Variants in ARHGAP32 observed in about 807,000 individuals in gnomAD.
The protein encoded by ARHGAP32 is Rho GTPase activating protein 32.
In ARHGAP32, 51 loss-of-function variants were observed where a neutral mutation model predicts 186.5. The observed-to-expected ratio is 0.27, with a 90% CI of 0.22 to 0.35. The LOEUF (loss-of-function observed/expected upper bound fraction) is 0.35. Ranked by LOEUF, ARHGAP32 falls within the 10% of genes least tolerant of loss-of-function variation. The pLI, the probability that ARHGAP32 is intolerant of heterozygous loss-of-function variation, is 1.00. For synonymous variants in ARHGAP32, 950 were observed against 964.3 expected (o/e 0.99, Z 0.27); for missense variants, 2,186 against 2,623.5 (o/e 0.83, Z 3.64).
chr11:129,149,387 C>T (rs1591651929), intron 2 of ARHGAP32, among the ~76,000 whole-genome samples: 1 of 152,208 alleles, frequency 6.6e-6, no homozygotes, highest in East Asian at 1.9e-4. Context: ...GTCTACCTCA[C>T]TCCCCTGCCA....
chr11:129,260,099 T>C (rs545295977), intron 1 of ARHGAP32, among the ~76,000 whole-genome samples: 1 of 152,298 alleles, frequency 6.6e-6, no homozygotes, highest in East Asian at 1.9e-4. Context: ...TGAAATGGGC[T>C]GCAACAACTC....
intron 10 of ARHGAP32, among the ~76,000 whole-genome samples, chr11:129,058,747 G>A (rs1240554250): frequency 6.6e-6 from 1 of 152,104 alleles, no homozygotes; most frequent in African/African-American, 2.4e-5. Context: ...TGGATTAAAA[G>A]AAAAAGTATA....
intron 1 of ARHGAP32, among the ~76,000 whole-genome samples, chr11:129,235,802 A>T (rs1485612469): frequency 6.6e-6 from 1 of 152,058 alleles, no homozygotes; most frequent in African/African-American, 2.4e-5. Flanking sequence ...ATAAGTGAGA[A>T]TATAGGCTAT....
chr11:129,144,881 G>A (rs1026762006), intron 2 of ARHGAP32, among the ~76,000 whole-genome samples: 2 of 152,070 alleles, frequency 1.3e-5, no homozygotes, highest in African/African-American at 4.8e-5. Flanking sequence ...AAAATTATTC[G>A]GAGGCGATAT....
At chr11:129,094,473 T>C (rs1277162880) in intron 5 of ARHGAP32, among the ~76,000 whole-genome samples, 3 of 152,170 alleles carry the variant, frequency 2.0e-5, no homozygotes, top group Non-Finnish European at 4.4e-5. Flanking sequence ...GCTAAGAGGT[T>C]TCATGTGAAA....
At chr11:129,118,053 TA>T (rs1942420692) in intron 5 of ARHGAP32, among the ~76,000 whole-genome samples, 1 of 152,008 alleles carries the variant, frequency 6.6e-6, no homozygotes, top group African/African-American at 2.4e-5. Flanking sequence ...TTCTCTAAAC[TA>T]AACATAAGAC....
intron 1 of ARHGAP32, among the ~76,000 whole-genome samples, chr11:129,168,558 T>A (rs1009404788): frequency 6.6e-6 from 1 of 152,092 alleles, no homozygotes; most frequent in Non-Finnish European, 1.5e-5. Context: ...AACAGATAAA[T>A]CCACTATCAC....
At chr11:129,101,282 C>A (rs1484198112) in intron 5 of ARHGAP32, among the ~76,000 whole-genome samples, 3 of 152,116 alleles carry the variant, frequency 2.0e-5, no homozygotes, top group African/African-American at 7.2e-5. Context: ...GCACAAGAAC[C>A]CTGAAAACTC....
chr11:128,969,688 T>C lies in ARHGAP32; in HGVS notation c.5525A>G (p.Tyr1842Cys), dbSNP rs769714107. Residue 1842 changes from tyrosine to cysteine, a missense_variant, in exon 23 of 23, where the codon TAT (tyrosine) becomes TGT (cysteine). Coordinates refer to ENST00000682385, the MANE Select transcript of ARHGAP32 (RefSeq NM_001378024.1). This position sits in a 1 kb window ranked among gnomAD's most constrained non-coding sequence, Gnocchi z 4.8. ...AISPEGEDRFYRRHPEAEMDR... is the reference protein window; with the variant it reads ...AISPEGEDRFCRRHPEAEMDR... ...CATCTCTGCCTCGGGATGCCTCCTA[T>C]AGAAGCGGTCCTCTCCCTCGGGACT... is the stretch of plus-strand genomic sequence containing the variant. 3 of 1,614,160 alleles carry C rather than the reference T, an allele frequency of 1.9e-6. No individual in the cohort carries two copies. Among genetic ancestry groups the C allele is most frequent in the East Asian group, 2.2e-5 (1 of 44,886 alleles).
At position 128,965,875 on chromosome 11, in the gene ARHGAP32, CGTTA is replaced by C. The variant is rs1945211667; in HGVS notation, c.*3028_*3031del. 2.0e-5 allele frequency: 3 copies of C among 152,198 alleles called. No homozygotes were observed. Among genetic ancestry groups the C allele is most frequent in the South Asian group, 4.1e-4 (2 of 4,832 alleles). The allele number at this position is 152,198 out of a possible 1,614,324, so 9.4% of individuals were successfully genotyped here. On this transcript the variant is annotated 3_prime_UTR_variant, in exon 23 of 23. Transcript: ENST00000682385. ...TAACCTACTCCTCCGTCCCCACTCACGTTAGTTAACAGTCCCTCCTCTCTACAGA... is the reference window on the plus strand; with the variant it reads ...TAACCTACTCCTCCGTCCCCACTCACGTTAACAGTCCCTCCTCTCTACAGA...
chr11:129,018,974 T>C (rs1346899309), intron 11 of ARHGAP32, among the ~76,000 whole-genome samples: 3 of 152,168 alleles, frequency 2.0e-5, no homozygotes, highest in African/African-American at 4.8e-5. Context: ...TTTAAGCCAA[T>C]GACTAAAAAT....
intron 19 of ARHGAP32, among the ~76,000 whole-genome samples, chr11:128,977,994 G>C (rs1218317108): frequency 1.3e-5 from 2 of 151,730 alleles, no homozygotes; most frequent in African/African-American, 4.8e-5. Flanking sequence ...TGGGATTACA[G>C]GTGTAAGCCA....
At chr11:129,241,701 A>G (rs532021672) in intron 1 of ARHGAP32, among the ~76,000 whole-genome samples, 7 of 152,314 alleles carry the variant, frequency 4.6e-5, no homozygotes, top group African/African-American at 1.7e-4. Flanking sequence ...TAGTAAAAAC[A>G]AAGTCTATGT....
chr11:129,043,624 G>A (rs936160707), intron 10 of ARHGAP32, among the ~76,000 whole-genome samples: 5 of 152,022 alleles, frequency 3.3e-5, no homozygotes, highest in South Asian at 2.1e-4. Flanking sequence ...CCAACCTCAG[G>A]TGATCTACTC....
rs1018797153 is a variant in ARHGAP32 at position 128,966,291 on chromosome 11, A to C, written c.*2616T>G. 5.9e-5 allele frequency: 9 copies of C among 152,254 alleles called. No individual in the cohort carries two copies. The highest frequency in any genetic ancestry group is 1.3e-4 in the Non-Finnish European group (9 of 68,048). 9.4% of individuals were successfully genotyped at this position (152,254 alleles called of 1,614,324 possible). A position where few individuals can be genotyped will look rare whatever the true frequency, so the allele number is the denominator to read the frequency against. The stretch of plus-strand genomic sequence containing the variant: ...TCAAAATTTGAAAGTAATAACATTC[A>C]GTTACCCCATTTGTGAAGTCCCCCA... On this transcript the variant is annotated 3_prime_UTR_variant, in exon 23 of 23. Transcript: ENST00000682385.
intron 6 of ARHGAP32, among the ~76,000 whole-genome samples, chr11:129,090,213 A>T (rs75838745): frequency 6.6e-6 from 1 of 152,198 alleles, no homozygotes; most frequent in East Asian, 1.9e-4. Context: ...AGTTAACAGC[A>T]TTTTCTAATG....
At chr11:129,045,083 T>A (rs1247961651) in intron 10 of ARHGAP32, among the ~76,000 whole-genome samples, 4 of 152,212 alleles carry the variant, frequency 2.6e-5, no homozygotes, top group African/African-American at 9.7e-5. Context: ...GCTCACCTAA[T>A]ACCTAACTCC....
In ARHGAP32 at chr11:129,123,486, G is replaced by A. The variant is rs894816838; in HGVS notation, c.404C>T (p.Ala135Val). The A allele has an allele frequency of 4.3e-6, 7 of 1,612,714 alleles. No homozygotes were observed. The highest frequency in any genetic ancestry group is 5.9e-6 in the Non-Finnish European group (7 of 1,179,050). ...KGHFPKMAECAHFHYENVEFG... is the reference protein window; with the variant it reads ...KGHFPKMAECVHFHYENVEFG... Reference sequence around the variant, plus strand: ...CTCAACATTCTCATAATGGAAATGCGCACATTCAGCCATCTTCGGAAAGTG... The same window carrying A: ...CTCAACATTCTCATAATGGAAATGCACACATTCAGCCATCTTCGGAAAGTG... The change falls in exon 5 of 23, where the codon GCG (alanine) becomes GTG (valine). Residue 135 changes from alanine to valine, a missense_variant. Coordinates refer to ENST00000682385, the MANE Select transcript of ARHGAP32 (RefSeq NM_001378024.1). This position sits in a 1 kb window ranked among gnomAD's most constrained non-coding sequence, Gnocchi z 4.6.
At chr11:129,114,738 G>A (rs1447175648) in intron 5 of ARHGAP32, among the ~76,000 whole-genome samples, 1 of 151,920 alleles carries the variant, frequency 6.6e-6, no homozygotes, top group Non-Finnish European at 1.5e-5. Flanking sequence ...TGGCAAACAG[G>A]ATTTCCAAAT....
Sources: gnomAD v4.1 joint callset for allele counts (sites outside exome capture counted in the v4.1 genomes callset) on GRCh38, gnomAD v4.1.1 for gene constraint, Gnocchi (gnomAD v3.1) non-coding constraint, MANE v1.5 for transcripts, NCBI Gene and HGNC (gene_info 2026-07-23, HGNC 2026-07-21) for gene names.